Variants in ZC3H12B observed in about 807,000 individuals in gnomAD.
The protein encoded by ZC3H12B is probable ribonuclease ZC3H12B.
Under a neutral mutation model 43.9 loss-of-function variants are expected in ZC3H12B, and 7 were observed. That is an observed-to-expected ratio of 0.16 (90% CI 0.09 to 0.30). The LOEUF (loss-of-function observed/expected upper bound fraction) is 0.30, where lower values mean the gene tolerates loss of function less well. Ranked by LOEUF, ZC3H12B falls within the 10% of genes least tolerant of loss-of-function variation. The pLI is 1.00. For missense variants in ZC3H12B, 475 were observed against 670.2 expected, an observed-to-expected ratio of 0.71 and a Z score of 3.22; for synonymous variants, 222 against 241.7, an observed-to-expected ratio of 0.92 and a Z score of 0.76.
At chrX:65,067,456 C>T in the ZC3H12B span, among the ~76,000 whole-genome samples, 1 of 110,667 alleles carries the variant, frequency 9.0e-6, no homozygotes, top group African/African-American at 3.3e-5. Context: ...TTCCGCTTGC[C>T]CTCTGTGGGC....
chrX:65,130,516 G>A, the ZC3H12B span, among the ~76,000 whole-genome samples: 1 of 104,799 alleles, frequency 9.5e-6, no homozygotes, highest in African/African-American at 3.3e-5. Flanking sequence ...TGAGCTTGAT[G>A]TGTAGGGAAG....
chrX:65,123,291 G>A, the ZC3H12B span, among the ~76,000 whole-genome samples: 5 of 111,422 alleles, frequency 4.5e-5, no homozygotes, highest in African/African-American at 9.8e-5. Context: ...TGATCATAGT[G>A]GATAAGCTTT....
chrX:65,260,820 C>A, the ZC3H12B span, among the ~76,000 whole-genome samples: 173 of 111,689 alleles, frequency 1.5e-3, no homozygotes, highest in Middle Eastern at 0.014. Flanking sequence ...GGGATAAATT[C>A]ACAACTGTGT....
intron 2 of ZC3H12B, among the ~76,000 whole-genome samples, chrX:65,391,080 T>A (rs2066609463): frequency 9.0e-6 from 1 of 111,720 alleles, no homozygotes; most frequent in Non-Finnish European, 1.9e-5. Flanking sequence ...GCAAGTCAAG[T>A]AAAATGATAT....
At chrX:65,234,110 C>T in the ZC3H12B span, among the ~76,000 whole-genome samples, 1 of 111,330 alleles carries the variant, frequency 9.0e-6, no homozygotes, top group African/African-American at 3.3e-5. Flanking sequence ...AATATGCATA[C>T]AAAAATACTA....
the ZC3H12B span, among the ~76,000 whole-genome samples, chrX:65,174,638 G>A: frequency 5.4e-5 from 6 of 111,804 alleles, no homozygotes; most frequent in East Asian, 2.9e-4. Context: ...GGTGAGTTCT[G>A]CCCAATCTGA....
chrX:65,283,506 A>C, the ZC3H12B span, among the ~76,000 whole-genome samples: 1 of 111,667 alleles, frequency 9.0e-6, no homozygotes, highest in Non-Finnish European at 1.9e-5. Context: ...ATAAAGGGTA[A>C]TAAATTAGGA....
At chrX:65,241,628 T>C in the ZC3H12B span, among the ~76,000 whole-genome samples, 1 of 112,844 alleles carries the variant, frequency 8.9e-6, no homozygotes, top group African/African-American at 3.2e-5. Context: ...TTGTGTGGAA[T>C]TTGTTTTCAG....
the ZC3H12B span, among the ~76,000 whole-genome samples, chrX:65,275,917 A>G: frequency 8.9e-6 from 1 of 112,193 alleles, no homozygotes; most frequent in Non-Finnish European, 1.9e-5. Flanking sequence ...ATGAAATACA[A>G]TAGAATGCAG....
the ZC3H12B span, among the ~76,000 whole-genome samples, chrX:65,098,870 C>T: frequency 1.8e-5 from 2 of 110,440 alleles, no homozygotes; most frequent in African/African-American, 6.6e-5. Flanking sequence ...CCTGGAACCC[C>T]AGCAAGACAG....
chrX:65,365,705 G>T (rs957833185), upstream of ZC3H12B, among the ~76,000 whole-genome samples: 3 of 111,171 alleles, frequency 2.7e-5, no homozygotes, highest in Non-Finnish European at 5.7e-5. Flanking sequence ...TATCCCCTGT[G>T]ACTTGCACGT....
the ZC3H12B span, among the ~76,000 whole-genome samples, chrX:65,309,288 A>G: frequency 8.9e-6 from 1 of 111,979 alleles, no homozygotes; most frequent in East Asian, 2.8e-4. Flanking sequence ...ACTCAAATAG[A>G]CACAGTAAAA....
the ZC3H12B span, among the ~76,000 whole-genome samples, chrX:65,230,053 A>G: frequency 2.7e-5 from 3 of 111,465 alleles, no homozygotes; most frequent in African/African-American, 9.8e-5. Context: ...CCAAAGGACT[A>G]TAAATCTTGC....
At chrX:65,054,321 A>G in the ZC3H12B span, among the ~76,000 whole-genome samples, 1 of 111,551 alleles carries the variant, frequency 9.0e-6, no homozygotes, top group African/African-American at 3.3e-5. Context: ...TCAGCTTTCT[A>G]CATATGGCTA....
the ZC3H12B span, among the ~76,000 whole-genome samples, chrX:65,091,592 G>C: frequency 8.9e-6 from 1 of 111,838 alleles, no homozygotes; most frequent in East Asian, 2.8e-4. Context: ...TATGGACAAG[G>C]TGTGATGTAA....
the ZC3H12B span, among the ~76,000 whole-genome samples, chrX:65,219,377 A>T: frequency 8.9e-6 from 1 of 112,225 alleles, no homozygotes; most frequent in African/African-American, 3.2e-5. Flanking sequence ...GGCACCAAAG[A>T]AAAGTGAAGT....
At chrX:65,072,155 C>CT in the ZC3H12B span, among the ~76,000 whole-genome samples, 23 of 111,809 alleles carry the variant, frequency 2.1e-4, no homozygotes, top group Non-Finnish European at 3.4e-4. Context: ...CCTTTTCATT[C>CT]TTTTTTCTGT....
intron 2 of ZC3H12B, among the ~76,000 whole-genome samples, chrX:65,392,001 G>A (rs372946052): frequency 2.8e-4 from 31 of 111,758 alleles, no homozygotes; most frequent in African/African-American, 8.4e-4. Context: ...TCCTGACCTC[G>A]AGTGATCTGC....
chrX:65,173,517 C>T, the ZC3H12B span, among the ~76,000 whole-genome samples: 1 of 111,810 alleles, frequency 8.9e-6, no homozygotes, highest in Non-Finnish European at 1.9e-5. Context: ...AAAGTGAATG[C>T]TTCCAACTTT....
Sources: gnomAD v4.1 joint callset for allele counts (sites outside exome capture counted in the v4.1 genomes callset) on GRCh38, gnomAD v4.1.1 for gene constraint, MANE v1.5 for transcripts, NCBI Gene and HGNC (gene_info 2026-07-23, HGNC 2026-07-21) for gene names.